PLCL2: variants seen among roughly 807,000 people sequenced by gnomAD.
The protein encoded by PLCL2 is inactive phospholipase C-like protein 2.
PLCL2 carries 4 observed loss-of-function variants against 79.6 expected under a neutral mutation model. That is an observed-to-expected ratio of 0.05 (90% confidence interval 0.02 to 0.11). The LOEUF is 0.11. Among genes scored for constraint, PLCL2 ranks in the 10% least tolerant of loss-of-function variants. The pLI, the probability that PLCL2 is intolerant of heterozygous loss-of-function variation, is 1.00. For missense variants in PLCL2, 895 were observed against 1,291.0 expected (o/e 0.69, Z 4.70); for synonymous variants, 484 against 457.7 (o/e 1.06, Z -0.73).
At chr3:16,975,599 G>T (rs547254660) in intron 1 of PLCL2, among the ~76,000 whole-genome samples, 9 of 152,274 alleles carry the variant, frequency 5.9e-5, no homozygotes, top group African/African-American at 1.9e-4. Flanking sequence ...TCATGGTGAT[G>T]CTCAGACACA....
chr3:17,077,746 C>T lies in PLCL2; in HGVS notation c.3204+9681C>T, dbSNP rs4685426. Among the ~76,000 whole-genome samples the T allele has an allele frequency of 3.6e-4, 54 of 152,022 alleles. No homozygotes were observed. The East Asian group carries it at 4.6e-3, about 13-fold the overall frequency. On this transcript the variant is annotated intron_variant, in intron 5 of 5. Coordinates refer to ENST00000615277, the MANE Select transcript of PLCL2 (RefSeq NM_001144382.2). Reference sequence around the variant, plus strand: ...CACTCTGGCCAGCTCACAGAGGAGTCGCCACAGATGCTGGCTCACACAAGG... The same window carrying T: ...CACTCTGGCCAGCTCACAGAGGAGTTGCCACAGATGCTGGCTCACACAAGG...
chr3:16,937,185 C>G (rs866536637), intron 1 of PLCL2, among the ~76,000 whole-genome samples: 13 of 152,124 alleles, frequency 8.5e-5, no homozygotes, highest in Non-Finnish European at 7.4e-5. Context: ...TTGGTCAGAT[C>G]GGAGTTTGTA....
At chr3:16,903,398 G>A (rs900457483) in intron 1 of PLCL2, among the ~76,000 whole-genome samples, 1 of 152,174 alleles carries the variant, frequency 6.6e-6, no homozygotes, top group Non-Finnish European at 1.5e-5. Context: ...TCATGTTATG[G>A]AACTGATTTA....
chr3:17,033,084 C>T (rs868606535), intron 3 of PLCL2, among the ~76,000 whole-genome samples: 3 of 151,986 alleles, frequency 2.0e-5, no homozygotes, highest in Non-Finnish European at 2.9e-5. Flanking sequence ...AGGTTCAGAC[C>T]GTATCAGGGT....
chr3:16,981,119 G>C (rs1195463034), intron 1 of PLCL2, among the ~76,000 whole-genome samples: 1 of 151,106 alleles, frequency 6.6e-6, no homozygotes, highest in African/African-American at 2.4e-5. Flanking sequence ...ATCAGAGGGA[G>C]ACCGTGGAAA....
In PLCL2 at chr3:17,049,014, G is replaced by A. The variant is rs533315598; in HGVS notation, c.3094+6065G>A. ...GATAAAGAAATCCAGCATAAGGACT[G>A]TTCTAAAAAAAAAGAAAAGAAAATT... On this transcript the variant is annotated intron_variant, in intron 4 of 5. Transcript: ENST00000615277. Among the ~76,000 whole-genome samples the A allele has an allele frequency of 5.9e-4, 89 of 151,854 alleles. 1 individual carries two copies. The South Asian group carries it at 0.019, about 32-fold the overall frequency.
intron 4 of PLCL2, among the ~76,000 whole-genome samples, chr3:17,061,190 G>A (rs2064949748): frequency 6.6e-6 from 1 of 152,166 alleles, no homozygotes; most frequent in Non-Finnish European, 1.5e-5. Context: ...AAGAATAAAT[G>A]GCATTCATTT....
chr3:16,975,894 A>G (rs760248135), intron 1 of PLCL2, among the ~76,000 whole-genome samples: 12 of 152,144 alleles, frequency 7.9e-5, no homozygotes, highest in Non-Finnish European at 1.6e-4. Flanking sequence ...GTGGAGGTGT[A>G]GCTCTCTTTG....
In PLCL2 at chr3:16,893,314, TAAC is replaced by T. The variant is rs139804156; in HGVS notation, c.327+7952_327+7954del. Among the ~76,000 whole-genome samples the T allele has an allele frequency of 9.8e-3, 1,486 of 152,306 alleles. 27 individuals are homozygous for T. Among genetic ancestry groups the T allele is most frequent in the African/African-American group, 0.034 (1,420 of 41,578 alleles). ...TTAGGGTCCTGGAAGGTAAAGCAGG[TAAC>T]AACTAGTAATGGTTTGTTTTTTTAG... On this transcript the variant is annotated intron_variant, in intron 1 of 5. Transcript: ENST00000615277.
At chr3:16,943,909 G>A (rs917651633) in intron 1 of PLCL2, among the ~76,000 whole-genome samples, 3 of 152,146 alleles carry the variant, frequency 2.0e-5, no homozygotes, top group Non-Finnish European at 4.4e-5. Context: ...TTACTTCTGT[G>A]AAAGGTGGAG....
intron 3 of PLCL2, among the ~76,000 whole-genome samples, chr3:17,031,272 A>G (rs2064578460): frequency 6.6e-6 from 1 of 152,192 alleles, no homozygotes; most frequent in Admixed American, 6.5e-5. Context: ...CAGTGAGGCC[A>G]TAGGCCCTCT....
At chr3:16,985,221 C>T (rs139724279) in intron 1 of PLCL2, among the ~76,000 whole-genome samples, 1,527 of 152,184 alleles carry the variant, frequency 0.01, 35 homozygotes, top group African/African-American at 0.035. Context: ...AGCTCCACTC[C>T]GGGTGCCTAT....
intron 3 of PLCL2, among the ~76,000 whole-genome samples, chr3:17,029,311 G>T (rs1439485933): frequency 6.6e-6 from 1 of 151,112 alleles, no homozygotes; most frequent in Non-Finnish European, 1.5e-5. Flanking sequence ...TATCCTATCT[G>T]CAATTCCCTC....
At chr3:16,903,453 G>A (rs973800843) in intron 1 of PLCL2, among the ~76,000 whole-genome samples, 1 of 152,156 alleles carries the variant, frequency 6.6e-6, no homozygotes, top group Non-Finnish European at 1.5e-5. Context: ...CTGCCATGTG[G>A]TCACAGATAT....
At chr3:16,996,950 G>A (rs1219630734) in intron 1 of PLCL2, among the ~76,000 whole-genome samples, 2 of 152,134 alleles carry the variant, frequency 1.3e-5, no homozygotes, top group East Asian at 3.8e-4. Flanking sequence ...AAGACCTCTT[G>A]TACTGAGATG....
At chr3:16,922,491 C>A (rs951425624) in intron 1 of PLCL2, among the ~76,000 whole-genome samples, 1 of 152,244 alleles carries the variant, frequency 6.6e-6, no homozygotes, top group Non-Finnish European at 1.5e-5. Flanking sequence ...AATATGTCTT[C>A]CTATGCATGT....
intron 1 of PLCL2, among the ~76,000 whole-genome samples, chr3:16,956,534 C>T (rs1221499472): frequency 1.3e-5 from 2 of 152,192 alleles, no homozygotes; most frequent in Non-Finnish European, 2.9e-5. Context: ...CAGGATGATG[C>T]TGACCTCATA....
chr3:17,080,639 C>A (rs2065153841), intron 5 of PLCL2, among the ~76,000 whole-genome samples: 1 of 152,078 alleles, frequency 6.6e-6, no homozygotes, highest in Non-Finnish European at 1.5e-5. Flanking sequence ...TTAGTAGAGA[C>A]AGGATTTCAC....
chr3:16,945,174 T>C (rs2063588790), intron 1 of PLCL2, among the ~76,000 whole-genome samples: 2 of 152,066 alleles, frequency 1.3e-5, no homozygotes, highest in Non-Finnish European at 2.9e-5. Flanking sequence ...AGATCTTTAC[T>C]CAAAAATCAT....
Sources: allele counts gnomAD v4.1 joint callset (sites outside exome capture counted in the v4.1 genomes callset), GRCh38; gene constraint gnomAD v4.1.1; transcripts MANE v1.5; gene names NCBI Gene and HGNC (gene_info 2026-07-23, HGNC 2026-07-21).